The following RTN4R variants were observed in gnomAD, a reference collection of about 807,000 sequenced individuals.
The protein encoded by RTN4R is reticulon-4 receptor.
Under a neutral mutation model 27.7 loss-of-function variants are expected in RTN4R, and 4 were observed. The observed-to-expected ratio is 0.14, with a 90% confidence interval of 0.07 to 0.33. The LOEUF (loss-of-function observed/expected upper bound fraction) is 0.33, where lower values mean the gene tolerates loss of function less well. Among genes scored for constraint, RTN4R ranks in the 10% least tolerant of loss-of-function variants. RTN4R has a pLI of 1.00. For missense variants in RTN4R, 554 were observed against 671.5 expected (o/e 0.83, Z 1.93); for synonymous variants, 290 against 305.6 (o/e 0.95, Z 0.53).
intron 1 of RTN4R, among the ~76,000 whole-genome samples, chr22:20,265,337 A>G (rs1010860546): frequency 1.3e-5 from 2 of 152,150 alleles, no homozygotes; most frequent in African/African-American, 4.8e-5. Context: ...GCTGTGGGCC[A>G]GTTCCCAGCC....
intron 1 of RTN4R, chr22:20,243,519 A>G (rs777697966): frequency 5.7e-5 from 28 of 489,136 alleles, no homozygotes; most frequent in African/African-American, 9.8e-5. Flanking sequence ...GGTTCCACCC[A>G]CAGGGCCTAG....
intron 1 of RTN4R, among the ~76,000 whole-genome samples, chr22:20,256,699 G>A (rs765133171): frequency 8.3e-4 from 126 of 152,306 alleles, no homozygotes; most frequent in Non-Finnish European, 1.6e-3. Context: ...GCCATGCCCC[G>A]TCCCGCTCAC....
At chr22:20,259,539 C>T (rs2051232581) in intron 1 of RTN4R, among the ~76,000 whole-genome samples, 1 of 152,138 alleles carries the variant, frequency 6.6e-6, no homozygotes. Context: ...TCCACCTCCG[C>T]AGCCTCTGCC....
exon 1 of RTN4R, chr22:20,268,291 CAGGGCGAGGGCGGCGGCGGCGCGGGGGTT>C: frequency 5.2e-4 from 1 of 1,912 alleles, no homozygotes. Context: ...GCAGGGCGCA[CAGGGCGAGGGCGGCGGCGGCGCGGGGGTT>C]GGGGCGTGGG....
intron 1 of RTN4R, among the ~76,000 whole-genome samples, chr22:20,257,949 G>A (rs745407670): frequency 3.3e-5 from 5 of 152,144 alleles, no homozygotes; most frequent in Non-Finnish European, 7.4e-5. Context: ...TCTCAGGCAG[G>A]CCCCCCAACG....
At chr22:20,246,902 G>C (rs939383351) in intron 1 of RTN4R, among the ~76,000 whole-genome samples, 10 of 152,384 alleles carry the variant, frequency 6.6e-5, no homozygotes, top group African/African-American at 2.4e-4. Context: ...TACATTTACA[G>C]ATTAGGAAAC....
At chr22:20,262,415 G>A (rs1216837468) in intron 1 of RTN4R, among the ~76,000 whole-genome samples, 1 of 152,186 alleles carries the variant, frequency 6.6e-6, no homozygotes, top group Non-Finnish European at 1.5e-5. Flanking sequence ...GCCAGGCTGG[G>A]GCCTTGGAAT....
intron 1 of RTN4R, chr22:20,243,719 A>C (rs1602637766): frequency 2.9e-6 from 1 of 347,956 alleles, no homozygotes; most frequent in Non-Finnish European, 6.0e-6. Flanking sequence ...CTTGGCAGGA[A>C]CCCTCCTGAA....
intron 1 of RTN4R, among the ~76,000 whole-genome samples, chr22:20,253,046 G>A (rs570834959): frequency 2.3e-4 from 35 of 152,278 alleles, no homozygotes; most frequent in Admixed American, 5.9e-4. Flanking sequence ...CAGCGTCCCA[G>A]AGCCACACGG....
intron 1 of RTN4R, among the ~76,000 whole-genome samples, chr22:20,250,183 T>C (rs1308532591): frequency 1.3e-5 from 2 of 152,194 alleles, no homozygotes; most frequent in Non-Finnish European, 2.9e-5. Flanking sequence ...GGGGCCAGAG[T>C]GGAACCCTTG....
intron 1 of RTN4R, among the ~76,000 whole-genome samples, chr22:20,249,649 T>G (rs1188261057): frequency 1.3e-5 from 2 of 152,130 alleles, no homozygotes; most frequent in Non-Finnish European, 2.9e-5. Flanking sequence ...CAGAGTCCAC[T>G]GAGCAGTAGA....
Position 20,268,168 on chromosome 22 carries a change from C to A in RTN4R, c.-76G>T. ...GCGCCCGTCTCCCCGCGGCCGGGTC[C>A]GCATCCAGGCGCCGCCGCTACGGCC... On this transcript the variant is annotated 5_prime_UTR_variant, in exon 1 of 2. Coordinates refer to ENST00000043402, the MANE Select transcript of RTN4R (RefSeq NM_023004.6). 1.3e-6 allele frequency: 1 copy of A among 761,040 alleles called. No individual in the cohort carries two copies. Among genetic ancestry groups the A allele is most frequent in the South Asian group, 6.0e-5 (1 of 16,596 alleles). The allele number at this position is 761,040 out of a possible 1,614,324, so 47.1% of individuals were successfully genotyped here.
At position 20,242,371 on chromosome 22, in the gene RTN4R, G is replaced by A. The variant is rs147421443; in HGVS notation, c.762C>T (p.Tyr254=). ...EALAPLRALQ[Y]LRLNDNPWVC... ...CCCAGGGGTTGTCGTTGAGCCTCAG[G>A]TACTGCAGGGCACGCAGGGGGGCCA... Residue 254 remains tyrosine (Y), a synonymous_variant, in exon 2 of 2, where the codon TAC becomes TAT. Transcript: ENST00000043402. The A allele has an allele frequency of 6.2e-7, 1 of 1,612,828 alleles. No homozygotes were observed. The highest frequency in any genetic ancestry group is 1.3e-5 in the African/African-American group (1 of 74,932).
At chr22:20,248,204 A>T (rs2051153715) in intron 1 of RTN4R, among the ~76,000 whole-genome samples, 1 of 152,252 alleles carries the variant, frequency 6.6e-6, no homozygotes, top group African/African-American at 2.4e-5. Flanking sequence ...AACATGCCTA[A>T]AAGTACACAA....
At chr22:20,262,854 C>T (rs925132158) in intron 1 of RTN4R, among the ~76,000 whole-genome samples, 5 of 152,212 alleles carry the variant, frequency 3.3e-5, no homozygotes, top group Admixed American at 1.3e-4. Context: ...GGCATGTCCC[C>T]GAGCTGGGCC....
rs1462333828 is a variant in RTN4R at position 20,255,964 on chromosome 22, G to A, written c.22+12107C>T. Among the ~76,000 whole-genome samples, 2 of 152,258 alleles carry A rather than the reference G, an allele frequency of 1.3e-5. No individual in the cohort carries two copies. The highest frequency in any genetic ancestry group is 3.8e-4 in the East Asian group (2 of 5,198). ...AGTAATTGCTCTTTTATTAACAAGT[G>A]ATAAATTATTCCTATATGATTGTGT... On this transcript the variant is annotated intron_variant, in intron 1 of 1. Transcript: ENST00000043402. This position sits in a 1 kb window ranked among gnomAD's most constrained non-coding sequence, Gnocchi z 4.8.
intron 1 of RTN4R, among the ~76,000 whole-genome samples, chr22:20,265,039 C>G (rs1363000958): frequency 2.0e-5 from 3 of 152,218 alleles, no homozygotes; most frequent in Non-Finnish European, 4.4e-5. Context: ...CCAAGGCTCC[C>G]GGTGAGAGGT....
chr22:20,267,995 G>A, intron 1 of RTN4R, 76 bp downstream of exon 1: 1 of 888,612 alleles, frequency 1.1e-6, no homozygotes, highest in Non-Finnish European at 1.4e-6. Context: ...CGGGCCCTGC[G>A]GCTCCGGGGA....
At chr22:20,267,024 G>A (rs1378776456) in intron 1 of RTN4R, among the ~76,000 whole-genome samples, 6 of 152,230 alleles carry the variant, frequency 3.9e-5, no homozygotes, top group South Asian at 2.1e-4. Context: ...TGGTTATTGC[G>A]AAAGGGGCCC....
Sources: gnomAD v4.1 joint callset for allele counts (sites outside exome capture counted in the v4.1 genomes callset) on GRCh38, gnomAD v4.1.1 for gene constraint, Gnocchi (gnomAD v3.1) non-coding constraint, MANE v1.5 for transcripts, NCBI Gene and HGNC (gene_info 2026-07-23, HGNC 2026-07-21) for gene names.